The following SPAG16 variants were observed in gnomAD, a reference collection of about 807,000 sequenced individuals.
SPAG16 encodes sperm associated antigen 16, also known as sperm-associated antigen 16 protein.
A neutral mutation model predicts 80.4 loss-of-function variants in SPAG16; 86 were observed. The observed-to-expected ratio is 1.07, with a 90% CI of 0.90 to 1.28. The LOEUF is 1.28. SPAG16 is among the 50% of genes most tolerant of loss of function. SPAG16 has a pLI of 0.00. For synonymous variants in SPAG16, 294 were observed against 265.9 expected (o/e 1.11, Z -1.03); for missense variants, 870 against 765.3 (o/e 1.14, Z -1.61).
At chr2:213,653,965 A>T (rs1461910279) in intron 10 of SPAG16, among the ~76,000 whole-genome samples, 2 of 152,174 alleles carry the variant, frequency 1.3e-5, no homozygotes, top group Non-Finnish European at 2.9e-5. Flanking sequence ...ACTAATTTTT[A>T]ATAGCACTTT....
chr2:214,091,762 G>C (rs1462739098), intron 13 of SPAG16, among the ~76,000 whole-genome samples: 1 of 151,982 alleles, frequency 6.6e-6, no homozygotes, highest in African/African-American at 2.4e-5. Flanking sequence ...ACATAAATAG[G>C]TTCCTGTATG....
At chr2:213,338,774 A>T (rs190456888) in intron 5 of SPAG16, among the ~76,000 whole-genome samples, 2 of 152,308 alleles carry the variant, frequency 1.3e-5, no homozygotes, top group East Asian at 3.9e-4. Context: ...AGAAAACCAA[A>T]CACTGCATGT....
intron 12 of SPAG16, among the ~76,000 whole-genome samples, chr2:213,976,278 A>G (rs892876629): frequency 6.6e-6 from 1 of 151,324 alleles, no homozygotes; most frequent in Non-Finnish European, 1.5e-5. Context: ...ACATATGCGT[A>G]CACATGTGTG....
chr2:213,423,436 G>A (rs1237404137), intron 9 of SPAG16, among the ~76,000 whole-genome samples: 1 of 152,158 alleles, frequency 6.6e-6, no homozygotes, highest in Non-Finnish European at 1.5e-5. Context: ...AGACCCTGGA[G>A]AGAGGGATGG....
chr2:214,077,122 T>C (rs956474970), intron 13 of SPAG16, among the ~76,000 whole-genome samples: 5 of 152,180 alleles, frequency 3.3e-5, no homozygotes, highest in Admixed American at 6.5e-5. Context: ...TGTCATTAGT[T>C]TGATTACATG....
intron 10 of SPAG16, among the ~76,000 whole-genome samples, chr2:213,625,409 G>A (rs1045518718): frequency 6.6e-6 from 1 of 151,696 alleles, no homozygotes; most frequent in South Asian, 2.1e-4. Context: ...AAAACACCTC[G>A]TGTACCCCCC....
At position 213,284,517 on chromosome 2, in the gene SPAG16, G is replaced by A. The variant is rs1457411577; in HGVS notation, c.34G>A (p.Val12Met). ...TCAGCGAGGGATGCCCAGCTCCGCC[G>A]TGAGGGTCCTGGAAGAGGCGTTGGG... The part of the protein sequence containing the change: ...AAQRGMPSSA[V>M]RVLEEALGMG... Residue 12 changes from valine (V) to methionine (M), a missense_variant, in exon 1 of 16, where the codon GTG (valine) becomes ATG (methionine). Transcript: ENST00000331683. 1 of 1,588,002 alleles carries A rather than the reference G, an allele frequency of 6.3e-7. No individual in the cohort carries two copies. Among genetic ancestry groups the A allele is most frequent in the Non-Finnish European group, 8.6e-7 (1 of 1,167,618 alleles).
At chr2:213,720,604 C>G (rs1276740790) in intron 10 of SPAG16, among the ~76,000 whole-genome samples, 3 of 151,466 alleles carry the variant, frequency 2.0e-5, no homozygotes, top group Non-Finnish European at 2.9e-5. Context: ...CGCCACTGCA[C>G]TCCAGCCTGG....
rs2047451746 is a variant in SPAG16 at position 214,013,957 on chromosome 2, A to G, written c.1407A>G (p.Arg469=). The G allele has an allele frequency of 1.2e-6, 2 of 1,613,060 alleles. No individual in the cohort carries two copies. Among genetic ancestry groups the G allele is most frequent in the Admixed American group, 1.7e-5 (1 of 59,978 alleles). ...TTAATTTCTCTCTTTATAGTGAAAG[A>G]TGCAGATGTACTTTGTATGGACATA... ...TSKIWDVNSE[R]CRCTLYGHTD... is the part of the protein sequence containing the mutation. The change falls in exon 13 of 16, where the codon AGA becomes AGG. Residue 469 remains arginine (R), a synonymous_variant. Transcript: ENST00000331683.
At chr2:213,495,217 C>T (rs1161088755) in intron 10 of SPAG16, among the ~76,000 whole-genome samples, 1 of 152,142 alleles carries the variant, frequency 6.6e-6, no homozygotes, top group African/African-American at 2.4e-5. Context: ...TGGCCATGTG[C>T]CTAAAAATGA....
chr2:214,183,484 A>G (rs370616122), intron 15 of SPAG16, among the ~76,000 whole-genome samples: 1 of 152,082 alleles, frequency 6.6e-6, no homozygotes, highest in Admixed American at 6.6e-5. Context: ...AAATGTGGCT[A>G]CTATGGCTCT....
intron 11 of SPAG16, among the ~76,000 whole-genome samples, chr2:213,864,866 C>T (rs1391532221): frequency 1.3e-5 from 2 of 151,598 alleles, no homozygotes; most frequent in African/African-American, 2.4e-5. Context: ...ATCTCAAGTG[C>T]CTAAATAATA....
At chr2:213,802,838 T>C (rs2071504562) in intron 10 of SPAG16, among the ~76,000 whole-genome samples, 2 of 152,024 alleles carry the variant, frequency 1.3e-5, no homozygotes, top group Non-Finnish European at 1.5e-5. Context: ...CACCACTTGT[T>C]ATCACTTCCA....
chr2:213,329,860 G>A (rs1249295677), intron 5 of SPAG16, among the ~76,000 whole-genome samples: 2 of 152,206 alleles, frequency 1.3e-5, no homozygotes, highest in South Asian at 2.1e-4. Flanking sequence ...TCTGCTGTGT[G>A]CATTCTAGGG....
intron 1 of SPAG16, among the ~76,000 whole-genome samples, chr2:213,291,601 T>G (rs1369948871): frequency 6.6e-6 from 1 of 152,210 alleles, no homozygotes; most frequent in Non-Finnish European, 1.5e-5. Flanking sequence ...ATTGAGCTAT[T>G]TATGTGATTT....
intron 9 of SPAG16, among the ~76,000 whole-genome samples, chr2:213,483,919 A>G (rs2073862192): frequency 2.6e-5 from 4 of 152,228 alleles, no homozygotes; most frequent in Non-Finnish European, 1.5e-5. Flanking sequence ...CTAAGAAAAC[A>G]TAAATCTAAC....
chr2:214,242,386 A>C (rs989177909), intron 15 of SPAG16, among the ~76,000 whole-genome samples: 1 of 152,196 alleles, frequency 6.6e-6, no homozygotes, highest in Non-Finnish European at 1.5e-5. Flanking sequence ...AATCATAAAA[A>C]GACTATGGTA....
At chr2:214,083,895 T>C (rs1052075474) in intron 13 of SPAG16, among the ~76,000 whole-genome samples, 2 of 152,138 alleles carry the variant, frequency 1.3e-5, no homozygotes, top group Non-Finnish European at 2.9e-5. Flanking sequence ...TAGACTCTTA[T>C]TATTGCATCC....
At chr2:214,344,661 G>A (rs532460343) in intron 15 of SPAG16, among the ~76,000 whole-genome samples, 2 of 152,176 alleles carry the variant, frequency 1.3e-5, no homozygotes, top group African/African-American at 4.8e-5. Flanking sequence ...TATAACATGG[G>A]AATTTAAGAT....
Sources: gnomAD v4.1 joint callset for allele counts (sites outside exome capture counted in the v4.1 genomes callset) on GRCh38, gnomAD v4.1.1 for gene constraint, MANE v1.5 for transcripts, NCBI Gene and HGNC (gene_info 2026-07-23, HGNC 2026-07-21) for gene names.